Variants in SNRNP40 observed in about 807,000 individuals in gnomAD.
SNRNP40 encodes the protein small nuclear ribonucleoprotein U5 subunit 40.
SNRNP40 carries 21 observed loss-of-function variants against 45.8 expected under a neutral mutation model. The observed-to-expected ratio is 0.46, with a 90% CI of 0.32 to 0.66. The LOEUF is 0.66. Among genes scored for constraint, SNRNP40 ranks in the 30% least tolerant of loss-of-function variants. The pLI, the probability that SNRNP40 is intolerant of heterozygous loss-of-function variation, is 0.03. For missense variants in SNRNP40, 344 were observed against 439.1 expected (o/e 0.78, Z 1.94); for synonymous variants, 142 against 163.8 (o/e 0.87, Z 1.01).
intron 3 of SNRNP40, 116 bp from the exon 4 acceptor site, chr1:31,289,535 C>T (rs570225935): frequency 1.2e-4 from 99 of 839,540 alleles, no homozygotes; most frequent in African/African-American, 7.9e-4. Flanking sequence ...TGCTGTGCTA[C>T]GCCAGTTTGC....
At chr1:31,264,900 A>G (rs1447377797) in intron 8 of SNRNP40, among the ~76,000 whole-genome samples, 1 of 152,192 alleles carries the variant, frequency 6.6e-6, no homozygotes, top group Non-Finnish European at 1.5e-5. Flanking sequence ...AAGGGTTTAC[A>G]CTTCAAGGTC....
intron 7 of SNRNP40, 46 bp downstream of exon 7, chr1:31,269,112 T>C (rs1645919400): frequency 1.3e-6 from 2 of 1,508,612 alleles, no homozygotes; most frequent in Non-Finnish European, 1.8e-6. Context: ...TAAATGTTTC[T>C]CTGAAGTAAA....
intron 1 of SNRNP40, 148 bp downstream of exon 1, chr1:31,296,463 G>C (rs1646159884): frequency 1.5e-5 from 16 of 1,087,058 alleles, no homozygotes; most frequent in Admixed American, 5.4e-5. Flanking sequence ...GCTATGGGGA[G>C]CTTTTACAGT....
chr1:31,284,501 C>T (rs1204380205), intron 4 of SNRNP40, among the ~76,000 whole-genome samples: 2 of 152,104 alleles, frequency 1.3e-5, no homozygotes, highest in East Asian at 1.9e-4. Context: ...TTTTTTAAAG[C>T]GTGGATAACA....
Position 31,269,431 on chromosome 1 carries a change from C to A in SNRNP40, c.776-191G>T. 8 of 1,320,850 alleles carry A rather than the reference C, an allele frequency of 6.1e-6. No individual in the cohort carries two copies. In the South Asian group the frequency reaches 1.7e-4, roughly 27 times the overall value. 81.8% of individuals were successfully genotyped at this position (1,320,850 alleles called of 1,614,324 possible). A position where few individuals can be genotyped will look rare whatever the true frequency, so the allele number is the denominator to read the frequency against. On this transcript the variant is annotated intron_variant, in intron 6 of 9. Transcript: ENST00000263694. ...TTCAAGCAGGAAAACACATCTAAAT[C>A]CCAATAACTGGGGCTAGCTGAGGGG...
At chr1:31,282,903 T>C (rs1257618347) in intron 4 of SNRNP40, among the ~76,000 whole-genome samples, 3 of 152,170 alleles carry the variant, frequency 2.0e-5, no homozygotes, top group Admixed American at 6.6e-5. Flanking sequence ...CTCAAACTCC[T>C]GGCCTCAAGT....
chr1:31,289,738 C>T (rs1557680217), intron 3 of SNRNP40, among the ~76,000 whole-genome samples: 1 of 152,156 alleles, frequency 6.6e-6, no homozygotes, highest in African/African-American at 2.4e-5. Flanking sequence ...CATAAGACAC[C>T]CTCTCACTTG....
At chr1:31,269,459 A>G (rs1645922560) in intron 6 of SNRNP40, 4 of 1,159,142 alleles carry the variant, frequency 3.5e-6, no homozygotes, top group Non-Finnish European at 4.5e-6. Flanking sequence ...CTGAGGGGGC[A>G]GGAAGGAAAA....
At chr1:31,281,617 T>A in intron 4 of SNRNP40, 121 bp from the exon 5 acceptor site, 2 of 773,978 alleles carry the variant, frequency 2.6e-6, no homozygotes, top group Non-Finnish European at 3.8e-6. Flanking sequence ...TGGGATCCTA[T>A]ATCACTAACT....
At chr1:31,281,613 C>T (rs1485556020) in intron 4 of SNRNP40, 117 bp from the exon 5 acceptor site, 6 of 825,322 alleles carry the variant, frequency 7.3e-6, no homozygotes, top group Non-Finnish European at 1.1e-5. Flanking sequence ...TAATTGGGAT[C>T]CTATATCACT....
At chr1:31,289,205 TTCACA>T in intron 4 of SNRNP40, 44 bp downstream of exon 4, 1 of 1,580,078 alleles carries the variant, frequency 6.3e-7, no homozygotes, top group Non-Finnish European at 8.6e-7. Flanking sequence ...CAAGATAAGG[TTCACA>T]TCACATCACC....
Position 31,289,347 on chromosome 1 carries a change from C to A in SNRNP40, c.438G>T (p.Arg146Ser). The part of the protein sequence containing the change: ...WDSETGERVK[R>S]LKGHTSFVNS... ...TCACAAAGGAAGTATGTCCCTTTAGCCTTTTAACCCTCTCACCTGTTTCAC... is the reference window on the plus strand; with the variant it reads ...TCACAAAGGAAGTATGTCCCTTTAGACTTTTAACCCTCTCACCTGTTTCAC... The change falls in exon 4 of 10, where the codon AGG becomes AGT. Residue 146 changes from arginine (R) to serine (S), a missense_variant. Around this residue, in one of 2 missense-constraint regions of SNRNP40, gnomAD observed 254 missense variants for 380.2 expected, o/e 0.67. Transcript: ENST00000263694. 1.2e-6 allele frequency: 2 copies of A among 1,614,044 alleles called. No homozygotes were observed. The highest frequency in any genetic ancestry group is 2.2e-5 in the East Asian group (1 of 44,882).
intron 4 of SNRNP40, 126 bp from the exon 5 acceptor site, chr1:31,281,622 C>G: frequency 1.3e-6 from 1 of 757,060 alleles, no homozygotes; most frequent in African/African-American, 1.7e-5. Flanking sequence ...TCCTATATCA[C>G]TAACTCCTGG....
intron 5 of SNRNP40, 143 bp from the exon 6 acceptor site, chr1:31,271,642 C>A: frequency 1.2e-6 from 1 of 800,096 alleles, no homozygotes; most frequent in Non-Finnish European, 1.9e-6. Context: ...GAGAAAAACA[C>A]CTTTTTTTAA....
chr1:31,294,441 C>G (rs1159209403), intron 1 of SNRNP40, among the ~76,000 whole-genome samples: 1 of 140,880 alleles, frequency 7.1e-6, no homozygotes, highest in Non-Finnish European at 1.6e-5. Context: ...TACTTCCCAG[C>G]ATTTTCATAT....
In SNRNP40 at chr1:31,293,146, G is replaced by C. The variant is rs1200735601; in HGVS notation, c.271+73C>G. On this transcript the variant is annotated intron_variant, in intron 2 of 9. Transcript: ENST00000263694. ...CCAACATAGAGTGATACCTTCTGTG[G>C]CACCCAAGATTTAAAAAAAAAAATC... 7 of 1,533,576 alleles carry C rather than the reference G, an allele frequency of 4.6e-6. No homozygotes were observed. The African/African-American group carries it at 6.9e-5, about 15-fold the overall frequency. 95.0% of individuals were successfully genotyped at this position (1,533,576 alleles called of 1,614,324 possible).
chr1:31,264,837 G>A (rs1204139395), intron 8 of SNRNP40, among the ~76,000 whole-genome samples: 1 of 152,132 alleles, frequency 6.6e-6, no homozygotes, highest in African/African-American at 2.4e-5. Flanking sequence ...CTGAAAAGGA[G>A]TTTTCTGAGG....
At chr1:31,280,773 T>TG (rs1463724523) in intron 5 of SNRNP40, among the ~76,000 whole-genome samples, 2 of 151,738 alleles carry the variant, frequency 1.3e-5, no homozygotes, top group Non-Finnish European at 2.9e-5. Context: ...TACTGTTTTT[T>TG]TTTTTTTTTA....
intron 3 of SNRNP40, 75 bp from the exon 4 acceptor site, chr1:31,289,494 A>G: frequency 7.2e-7 from 1 of 1,398,466 alleles, no homozygotes; most frequent in Non-Finnish European, 1.0e-6. Flanking sequence ...CTACTTGACA[A>G]AAGGTGCCAA....
Sources: allele counts gnomAD v4.1 joint callset (sites outside exome capture counted in the v4.1 genomes callset), GRCh38; gene constraint gnomAD v4.1.1; regional missense constraint gnomAD v4.1.1; transcripts MANE v1.5; gene names NCBI Gene and HGNC (gene_info 2026-07-23, HGNC 2026-07-21).